Variants in RAD54L observed in about 807,000 individuals in gnomAD.
The protein encoded by RAD54L is DNA repair and recombination protein RAD54-like.
Under a neutral mutation model 91.6 loss-of-function variants are expected in RAD54L, and 74 were observed. The ratio of observed to expected loss-of-function variants is 0.81; its 90% confidence interval spans 0.67 to 0.98. The LOEUF (loss-of-function observed/expected upper bound fraction) is 0.98. Ranked by LOEUF, RAD54L falls within the 50% of genes least tolerant of loss-of-function variation. The pLI is 0.00. For synonymous variants in RAD54L, 304 were observed against 349.7 expected (o/e 0.87, Z 1.46); for missense variants, 887 against 945.7 (o/e 0.94, Z 0.81).
chr1:46,274,245 C>T (rs761519441), intron 15 of RAD54L, 29 bp downstream of exon 15: 1 of 1,572,048 alleles, frequency 6.4e-7, no homozygotes, highest in Admixed American at 1.7e-5. Flanking sequence ...CCCCACACCA[C>T]CAATGCAGTA....
intron 16 of RAD54L, 77 bp downstream of exon 16, chr1:46,274,794 C>T: frequency 1.3e-6 from 2 of 1,568,118 alleles, no homozygotes; most frequent in Non-Finnish European, 1.8e-6. Flanking sequence ...TCCTTAGTGC[C>T]TCTCTTTGGC....
chr1:46,267,526 G>A lies in RAD54L; in HGVS notation c.959G>A (p.Arg320Gln), dbSNP rs778893165. 1.2e-6 allele frequency: 2 copies of A among 1,613,954 alleles called. No homozygotes were observed. The highest frequency in any genetic ancestry group is 1.3e-5 in the African/African-American group (1 of 75,012). Reference sequence around the variant, plus strand: ...CTGGACAGCTTGAACACCAGCCGGCGGGTGCTCATCTCCGGAACTCCCATC... The same window carrying A: ...CTGGACAGCTTGAACACCAGCCGGCAGGTGCTCATCTCCGGAACTCCCATC... Reference protein sequence around the residue: ...QALDSLNTSRRVLISGTPIQN... With the variant: ...QALDSLNTSRQVLISGTPIQN... Residue 320 changes from arginine (R) to glutamine (Q), a missense_variant, in exon 9 of 18, where the codon CGG becomes CAG. Arg to Gln is a conservative substitution (Grantham distance 43). Coordinates refer to ENST00000371975, the MANE Select transcript of RAD54L (RefSeq NM_003579.4).
chr1:46,249,875 C>A, intron 2 of RAD54L, 125 bp from the exon 3 acceptor site: 1 of 1,015,628 alleles, frequency 9.8e-7, no homozygotes, highest in Non-Finnish European at 1.5e-6. Context: ...GAAGATGATA[C>A]ACTATGACAT....
rs375364553 is a variant in RAD54L, at chr1:46,274,302, A to ATT, written c.1689+99_1689+100dup. 2,389 of 1,179,756 alleles carry ATT rather than the reference A, an allele frequency of 2.0e-3. 15 individuals are homozygous for ATT. The African/African-American group carries it at 0.023, about 11-fold the overall frequency. 73.1% of individuals were successfully genotyped at this position (1,179,756 alleles called of 1,614,324 possible). A position where few individuals can be genotyped will look rare whatever the true frequency, so the allele number is the denominator to read the frequency against. On this transcript the variant is annotated intron_variant, in intron 15 of 17. Transcript: ENST00000371975. ...AGAGAAGCTATAAGGGGTTACCTTGATTTTTTTTTTTTTTAATTCCCCTAG... is the reference window on the plus strand; with the variant it reads ...AGAGAAGCTATAAGGGGTTACCTTGATTTTTTTTTTTTTTTTAATTCCCCTAG...
At chr1:46,261,861 T>C (rs776677287) in intron 8 of RAD54L, among the ~76,000 whole-genome samples, 37 of 152,284 alleles carry the variant, frequency 2.4e-4, no homozygotes, top group Non-Finnish European at 5.0e-4. Context: ...GCCACGATGA[T>C]TCACGCCTGT....
rs1312343604 is a variant in RAD54L, at chr1:46,247,824, C to T, written c.-582C>T. 9.9e-6 allele frequency: 2 copies of T among 201,944 alleles called. No homozygotes were observed. Among genetic ancestry groups the T allele is most frequent in the South Asian group, 7.9e-5 (1 of 12,634 alleles). The allele number at this position is 201,944 out of a possible 1,614,324, so 12.5% of individuals were successfully genotyped here. On this transcript the variant is annotated 5_prime_UTR_variant, in exon 1 of 18. Coordinates refer to ENST00000371975, the MANE Select transcript of RAD54L (RefSeq NM_003579.4). ...GAGGTGCTGGGGTCTGCGTCTATCT[C>T]TGTCGCTCTTTTCAGCCCCTCCTGG... is the stretch of plus-strand genomic sequence containing the variant.
intron 8 of RAD54L, 33 bp downstream of exon 8, chr1:46,261,418 G>GA: frequency 6.2e-7 from 1 of 1,613,456 alleles, no homozygotes; most frequent in African/African-American, 1.3e-5. Flanking sequence ...GGTGGTAGGA[G>GA]AAAATCTGTC....
chr1:46,250,868 A>G (rs186234125), intron 3 of RAD54L, among the ~76,000 whole-genome samples: 339 of 151,564 alleles, frequency 2.2e-3, no homozygotes, highest in African/African-American at 7.3e-3. Context: ...CCAGCTACTC[A>G]AGTGAGGCAT....
At chr1:46,254,651 C>T (rs973390418) in intron 3 of RAD54L, among the ~76,000 whole-genome samples, 9 of 148,134 alleles carry the variant, frequency 6.1e-5, no homozygotes, top group Non-Finnish European at 1.0e-4. Context: ...TGCACTGGTG[C>T]GATCACGGCT....
At chr1:46,261,688 G>T (rs1660133412) in intron 8 of RAD54L, among the ~76,000 whole-genome samples, 1 of 152,184 alleles carries the variant, frequency 6.6e-6, no homozygotes, top group Non-Finnish European at 1.5e-5. Context: ...AATGTTTAGA[G>T]GATATAAATC....
chr1:46,272,933 C>G, intron 12 of RAD54L, 131 bp downstream of exon 12: 1 of 1,343,204 alleles, frequency 7.4e-7, no homozygotes, highest in Non-Finnish European at 1.0e-6. Context: ...TGATTCCAAC[C>G]CTACCCAAGG....
rs1245736730 is a variant in RAD54L at position 46,278,266 on chromosome 1, A to G, written c.2228A>G (p.Gln743Arg). The G allele has an allele frequency of 1.9e-6, 3 of 1,613,154 alleles. No individual in the cohort carries two copies. Among genetic ancestry groups the G allele is most frequent in the Non-Finnish European group, 2.5e-6 (3 of 1,179,796 alleles). Residue 743 changes from glutamine (Q) to arginine (R), a missense_variant, in exon 18 of 18, where the codon CAG becomes CGG. Gln to Arg is a conservative substitution (Grantham distance 43). Coordinates refer to ENST00000371975, the MANE Select transcript of RAD54L (RefSeq NM_003579.4). ...FVFHQRSHEE[Q>R]RGLR Reference sequence around the variant, plus strand: ...TTCCACCAGCGTTCTCATGAGGAGCAGCGGGGCCTCCGCTGATAACCAGCT... The same window carrying G: ...TTCCACCAGCGTTCTCATGAGGAGCGGCGGGGCCTCCGCTGATAACCAGCT...
rs1424939427 is a variant in RAD54L, at chr1:46,277,838, ATCT to A, written c.1894_1896del (p.Phe632del). The A allele has an allele frequency of 1.2e-6, 2 of 1,611,638 alleles. No homozygotes were observed. Among genetic ancestry groups the A allele is most frequent in the Non-Finnish European group, 1.7e-6 (2 of 1,178,056 alleles). On this transcript the variant is annotated inframe_deletion, in exon 17 of 18. Transcript: ENST00000371975. The stretch of plus-strand genomic sequence containing the variant: ...CCAGGCAGGGACCATTGAGGAGAAG[ATCT>A]TCCAGCGTCAGAGCCACAAGAAGGC...
rs201442434 is a variant in RAD54L, at chr1:46,273,613, G to A, written c.1487-11G>A. 106 of 1,613,052 alleles carry A rather than the reference G, an allele frequency of 6.6e-5. No homozygotes were observed. The South Asian group carries it at 1.1e-3, about 17-fold the overall frequency. On this transcript the variant is annotated splice_polypyrimidine_tract_variant and intron_variant, in intron 13 of 17. Transcript: ENST00000371975. ...AGCCAGTAGGGGACTGCTGGTTGCT[G>A]CTCTTCCCAGGTAAGATGCTGGTCC... is the stretch of plus-strand genomic sequence containing the variant.
At chr1:46,261,219 A>G (rs763102309) in intron 7 of RAD54L, 42 bp from the exon 8 acceptor site, 1 of 1,566,784 alleles carries the variant, frequency 6.4e-7, no homozygotes, top group African/African-American at 1.5e-5. Flanking sequence ...TTTTTTTTTC[A>G]AAAGATTCTG....
chr1:46,272,518 A>C lies in RAD54L; in HGVS notation c.1222A>C (p.Ile408Leu). Reference protein sequence around the residue: ...DILSKYLPVKIEQVVCCRLTP... With the variant: ...DILSKYLPVKLEQVVCCRLTP... ...CCTTTCTAAATATCTGCCTGTGAAGATTGAGCAGGTCGTTTGTTGTAGGTA... is the reference window on the plus strand; with the variant it reads ...CCTTTCTAAATATCTGCCTGTGAAGCTTGAGCAGGTCGTTTGTTGTAGGTA... The change falls in exon 11 of 18, where the codon ATT becomes CTT. Residue 408 changes from isoleucine to leucine, a missense_variant. Physicochemically the swap from Ile to Leu is conservative, Grantham distance 5. Coordinates refer to ENST00000371975, the MANE Select transcript of RAD54L (RefSeq NM_003579.4). 2 of 1,612,714 alleles carry C rather than the reference A, an allele frequency of 1.2e-6. No individual in the cohort carries two copies. The highest frequency in any genetic ancestry group is 1.7e-6 in the Non-Finnish European group (2 of 1,178,740).
Position 46,277,965 on chromosome 1 carries a change from G to A in RAD54L, c.2018G>A (p.Ser673Asn). ...ELFILDEASL[S>N]DTHDRLHCRR... is the part of the protein sequence containing the mutation. Reference sequence around the variant, plus strand: ...TTTATCCTGGATGAAGCTAGCCTCAGTGACACACATGACAGGTGGGGAAGT... The same window carrying A: ...TTTATCCTGGATGAAGCTAGCCTCAATGACACACATGACAGGTGGGGAAGT... Residue 673 changes from serine to asparagine, a missense_variant, in exon 17 of 18, where the codon AGT becomes AAT. Coordinates refer to ENST00000371975, the MANE Select transcript of RAD54L (RefSeq NM_003579.4). The A allele has an allele frequency of 6.2e-7, 1 of 1,614,168 alleles. No homozygotes were observed. The highest frequency in any genetic ancestry group is 8.5e-7 in the Non-Finnish European group (1 of 1,180,036).
rs28363239 is a variant in RAD54L at position 46,273,655 on chromosome 1, G to C, written c.1518G>C (p.Ala506=). 5.0e-6 allele frequency: 8 copies of C among 1,613,892 alleles called. No homozygotes were observed. The Admixed American group carries it at 5.0e-5, about 10-fold the overall frequency. Reference sequence around the variant, plus strand: ...TGCTGGTCCTGGATTATATTCTGGCGGTGACCCGAAGCCGTAGCAGTGACA... The same window carrying C: ...TGCTGGTCCTGGATTATATTCTGGCCGTGACCCGAAGCCGTAGCAGTGACA... The part of the protein sequence containing the change: ...GKMLVLDYIL[A]VTRSRSSDKV... The change falls in exon 14 of 18, where the codon GCG becomes GCC. Residue 506 remains alanine, a synonymous_variant. Transcript: ENST00000371975.
intron 16 of RAD54L, chr1:46,277,597 A>G (rs1452466691): frequency 2.3e-5 from 14 of 601,094 alleles, no homozygotes; most frequent in Non-Finnish European, 3.5e-5. Flanking sequence ...ATTAGTATAG[A>G]AAGTAGCCTG....
Sources: allele counts gnomAD v4.1 joint callset (sites outside exome capture counted in the v4.1 genomes callset), GRCh38; gene constraint gnomAD v4.1.1; transcripts MANE v1.5; gene names NCBI Gene and HGNC (gene_info 2026-07-23, HGNC 2026-07-21).